CA10: variants seen among roughly 807,000 people sequenced by gnomAD.
CA10 encodes carbonic anhydrase-related protein 10.
In CA10, 14 loss-of-function variants were observed where a neutral mutation model predicts 44.2. The observed-to-expected ratio is 0.32, with a 90% CI of 0.21 to 0.50. CA10 has a LOEUF of 0.50. CA10 is among the 20% of genes least tolerant of loss of function. The pLI is 0.99. For missense variants in CA10, 350 were observed against 409.7 expected (o/e 0.85, Z 1.26); for synonymous variants, 159 against 141.6 (o/e 1.12, Z -0.87).
intron 2 of CA10, among the ~76,000 whole-genome samples, chr17:51,963,686 A>C (rs887837224): frequency 3.9e-5 from 6 of 152,192 alleles, no homozygotes; most frequent in Non-Finnish European, 7.3e-5. Context: ...AGTGAAGGAG[A>C]AATAAAATAT....
chr17:51,877,763 G>A (rs1039579552), intron 3 of CA10, among the ~76,000 whole-genome samples: 19 of 152,026 alleles, frequency 1.2e-4, no homozygotes, highest in Admixed American at 3.9e-4. Context: ...TGTATAGAAG[G>A]TCTTTCATTA....
intron 3 of CA10, among the ~76,000 whole-genome samples, chr17:51,866,490 G>T (rs1338501048): frequency 6.6e-6 from 1 of 152,176 alleles, no homozygotes; most frequent in African/African-American, 2.4e-5. Flanking sequence ...CATGCTTCCA[G>T]TGACTCCTCA....
intron 1 of CA10, among the ~76,000 whole-genome samples, chr17:52,137,748 T>C (rs1160257024): frequency 6.6e-6 from 1 of 152,228 alleles, no homozygotes; most frequent in Non-Finnish European, 1.5e-5. Context: ...GTGAATAAAG[T>C]GGGTGAACAA....
At chr17:51,642,613 A>G (rs891171634) in intron 6 of CA10, among the ~76,000 whole-genome samples, 3 of 152,180 alleles carry the variant, frequency 2.0e-5, no homozygotes, top group African/African-American at 7.2e-5. Context: ...CTTAGAGGAA[A>G]TACATTAGGA....
intron 2 of CA10, among the ~76,000 whole-genome samples, chr17:52,040,305 A>T (rs1193265586): frequency 1.5e-5 from 2 of 130,856 alleles, no homozygotes; most frequent in East Asian, 2.0e-4. Flanking sequence ...ATGAGTGCTC[A>T]TGTTTGTTTT....
chr17:51,744,520 G>T (rs1170469088), intron 4 of CA10, among the ~76,000 whole-genome samples: 1 of 152,120 alleles, frequency 6.6e-6, no homozygotes, highest in East Asian at 1.9e-4. Context: ...CAAGACAAAA[G>T]AATTGATTGA....
At chr17:52,114,358 T>C (rs559863905) in intron 1 of CA10, among the ~76,000 whole-genome samples, 4 of 152,316 alleles carry the variant, frequency 2.6e-5, no homozygotes, top group African/African-American at 9.6e-5. Flanking sequence ...ACTCCCAAAC[T>C]AAACTACCTA....
intron 4 of CA10, among the ~76,000 whole-genome samples, chr17:51,665,232 G>T (rs1336881279): frequency 6.6e-6 from 1 of 152,170 alleles, no homozygotes; most frequent in East Asian, 1.9e-4. Context: ...TACTTAATAA[G>T]CAGAAACACA....
intron 2 of CA10, among the ~76,000 whole-genome samples, chr17:51,976,707 A>G (rs988240348): frequency 3.3e-5 from 5 of 152,060 alleles, no homozygotes; most frequent in African/African-American, 1.2e-4. Context: ...ATAAAATAAA[A>G]AACAAATTAA....
chr17:51,745,257 G>A (rs928661804), intron 4 of CA10, among the ~76,000 whole-genome samples: 4 of 152,154 alleles, frequency 2.6e-5, no homozygotes, highest in Admixed American at 6.6e-5. Context: ...TGTCACAGTG[G>A]TCGCTAACCA....
chr17:51,710,343 G>A (rs1915894152), intron 4 of CA10, among the ~76,000 whole-genome samples: 1 of 152,158 alleles, frequency 6.6e-6, no homozygotes, highest in Non-Finnish European at 1.5e-5. Flanking sequence ...TGGCTGAGGG[G>A]CCATGTCTCA....
chr17:51,764,776 A>C (rs947417745), intron 3 of CA10, among the ~76,000 whole-genome samples: 3 of 152,172 alleles, frequency 2.0e-5, no homozygotes, highest in Non-Finnish European at 4.4e-5. Flanking sequence ...TGGCTGCCTC[A>C]GCACATTTCT....
chr17:51,837,226 G>A (rs549160853), intron 3 of CA10, among the ~76,000 whole-genome samples: 5 of 152,200 alleles, frequency 3.3e-5, no homozygotes, highest in African/African-American at 7.2e-5. Flanking sequence ...AGGCAAAACT[G>A]AGTTAGCGGG....
intron 2 of CA10, among the ~76,000 whole-genome samples, chr17:51,994,895 A>C (rs1985175263): frequency 6.6e-6 from 1 of 152,040 alleles, no homozygotes; most frequent in South Asian, 2.1e-4. Context: ...GTCAAGGAGA[A>C]TGGCTTTAAT....
At chr17:51,983,222 T>C (rs907110585) in intron 2 of CA10, among the ~76,000 whole-genome samples, 4 of 151,880 alleles carry the variant, frequency 2.6e-5, no homozygotes, top group African/African-American at 9.7e-5. Flanking sequence ...CTGTCAGCTT[T>C]CTTCACATCA....
At chr17:51,648,714 T>C (rs2143265960) in intron 6 of CA10, among the ~76,000 whole-genome samples, 1 of 152,296 alleles carries the variant, frequency 6.6e-6, no homozygotes, top group Non-Finnish European at 1.5e-5. Flanking sequence ...GCCACACATG[T>C]GGCTGAAGAG....
chr17:52,051,259 A>G (rs1987062156), intron 2 of CA10, among the ~76,000 whole-genome samples: 2 of 152,082 alleles, frequency 1.3e-5, no homozygotes, highest in South Asian at 4.1e-4. Context: ...CATGATGAAG[A>G]CAGGAAAAGC....
chr17:51,681,139 T>G (rs1477873035), intron 4 of CA10, among the ~76,000 whole-genome samples: 1 of 152,254 alleles, frequency 6.6e-6, no homozygotes, highest in Non-Finnish European at 1.5e-5. Context: ...ATTTCAGCTT[T>G]GTCTCTTCCT....
intron 3 of CA10, among the ~76,000 whole-genome samples, chr17:51,870,898 G>C (rs1054185719): frequency 1.3e-5 from 2 of 152,094 alleles, no homozygotes; most frequent in Non-Finnish European, 2.9e-5. Context: ...ATGTTCTAAA[G>C]AGATTCTTCG....
Sources: gnomAD v4.1 joint callset for allele counts (sites outside exome capture counted in the v4.1 genomes callset) on GRCh38, gnomAD v4.1.1 for gene constraint, MANE v1.5 for transcripts, NCBI Gene and HGNC (gene_info 2026-07-23, HGNC 2026-07-21) for gene names.